The following ACCSL variants were observed in gnomAD, a reference collection of about 807,000 sequenced individuals.
ACCSL encodes the protein probable inactive 1-aminocyclopropane-1-carboxylate synthase-like protein 2.
A neutral mutation model predicts 61.7 loss-of-function variants in ACCSL; 55 were observed. That is an observed-to-expected ratio of 0.89 (90% CI 0.72 to 1.12). The LOEUF is 1.12. Ranked by LOEUF, ACCSL falls within the 50% of genes most tolerant of loss-of-function variation. The probability of loss-of-function intolerance (pLI) is 0.00; values close to 1 mark genes in which losing one functional copy is unlikely to be tolerated. For synonymous variants in ACCSL, 258 were observed against 264.3 expected (o/e 0.98, Z 0.23); for missense variants, 632 against 698.0 (o/e 0.91, Z 1.07).
chr11:43,925,023 C>G, the ACCSL span: 25 of 174,060 alleles, frequency 1.4e-4, no homozygotes, highest in Non-Finnish European at 2.7e-4. Flanking sequence ...CTCTCTCTTT[C>G]TCTCAGACTT....
chr11:43,992,077 G>T, the ACCSL span, among the ~76,000 whole-genome samples: 1 of 139,256 alleles, frequency 7.2e-6, no homozygotes, highest in Non-Finnish European at 1.5e-5. Flanking sequence ...TTTGAGACAG[G>T]GTCTCACTCT....
At chr11:44,007,537 G>A in the ACCSL span, among the ~76,000 whole-genome samples, 3 of 152,102 alleles carry the variant, frequency 2.0e-5, no homozygotes, top group Non-Finnish European at 1.5e-5. Flanking sequence ...GATGATGCTC[G>A]CTCCTCAAAC....
chr11:43,955,578 G>T, the ACCSL span, among the ~76,000 whole-genome samples: 1 of 152,132 alleles, frequency 6.6e-6, no homozygotes, highest in Admixed American at 6.6e-5. Context: ...GTGGGCCACG[G>T]AGTCTACTTC....
chr11:43,973,723 T>G, the ACCSL span: 1 of 152,310 alleles, frequency 6.6e-6, no homozygotes, highest in East Asian at 1.9e-4. Context: ...GAACCATTCT[T>G]AAATCTCCAC....
At chr11:44,030,815 G>C in the ACCSL span, among the ~76,000 whole-genome samples, 833 of 152,234 alleles carry the variant, frequency 5.5e-3, 8 homozygotes, top group African/African-American at 0.019. Context: ...TGGTCTGGAG[G>C]CTGGGGTGGG....
chr11:44,052,535 T>C, intron 5 of ACCSL, 127 bp from the exon 6 acceptor site: 1 of 756,396 alleles, frequency 1.3e-6, no homozygotes, highest in South Asian at 1.6e-5. Flanking sequence ...AGAACATTAA[T>C]CCCCAGGTAG....
the ACCSL span, among the ~76,000 whole-genome samples, chr11:43,978,785 T>G: frequency 1.0e-4 from 2 of 19,978 alleles, no homozygotes; most frequent in East Asian, 1.1e-3. Flanking sequence ...GAAGGTGGGT[T>G]TTTTTTTTTT....
the ACCSL span, among the ~76,000 whole-genome samples, chr11:43,972,356 G>T: frequency 1.3e-5 from 2 of 152,302 alleles, no homozygotes; most frequent in South Asian, 4.1e-4. Flanking sequence ...CAGCCCTATA[G>T]AAATAGCTCT....
intron 9 of ACCSL, 71 bp downstream of exon 9, chr11:44,055,362 A>T (rs1590432127): frequency 8.1e-7 from 1 of 1,238,128 alleles, no homozygotes; most frequent in East Asian, 2.4e-5. Context: ...AGTTTATGTG[A>T]CATGAACTTA....
intron 6 of ACCSL, 63 bp downstream of exon 6, chr11:44,052,822 A>G (rs772960780): frequency 5.2e-6 from 8 of 1,546,366 alleles, no homozygotes; most frequent in African/African-American, 1.4e-5. Context: ...GGGGACACCT[A>G]AAGGGGTAGA....
the ACCSL span, among the ~76,000 whole-genome samples, chr11:43,988,688 C>G: frequency 6.6e-6 from 1 of 151,664 alleles, no homozygotes; most frequent in Admixed American, 6.6e-5. Flanking sequence ...GCAGGCCACT[C>G]GGTTCCACAC....
At chr11:44,024,441 CTGTGTGTGTGTGTGTGTGTGTG>C in the ACCSL span, among the ~76,000 whole-genome samples, 5 of 132,098 alleles carry the variant, frequency 3.8e-5, no homozygotes, top group Admixed American at 7.8e-5. Flanking sequence ...CTCTCTCTCT[CTGTGTGTGTGTGTGTGTGTGTG>C]TGTGTGTGTG....
rs778299756 is a variant in ACCSL, at chr11:44,049,991, T to C, written c.505-71T>C. On this transcript the variant is annotated intron_variant, in intron 1 of 13. Transcript: ENST00000378832. Reference sequence around the variant, plus strand: ...TAGGCAGTGAGATCTCCATTTGAACTAATGTTTCAAGGGATCTATGTAGGG... The same window carrying C: ...TAGGCAGTGAGATCTCCATTTGAACCAATGTTTCAAGGGATCTATGTAGGG... 5.0e-6 allele frequency: 8 copies of C among 1,593,242 alleles called. No homozygotes were observed. The Admixed American group carries it at 1.0e-4, about 20-fold the overall frequency.
chr11:43,937,903 G>A, the ACCSL span, among the ~76,000 whole-genome samples: 2,949 of 152,236 alleles, frequency 0.019, 287 homozygotes, highest in East Asian at 0.32. Context: ...TTAGGGACTC[G>A]GACTAATGAT....
At chr11:44,027,128 C>T in the ACCSL span, among the ~76,000 whole-genome samples, 77 of 152,290 alleles carry the variant, frequency 5.1e-4, no homozygotes, top group Non-Finnish European at 5.7e-4. Context: ...TTTCCTTAAA[C>T]GCCTAGATAC....
At chr11:44,013,760 A>G in the ACCSL span, among the ~76,000 whole-genome samples, 1 of 152,072 alleles carries the variant, frequency 6.6e-6, no homozygotes, top group South Asian at 2.1e-4. Context: ...TTCAAAAACA[A>G]AAACAAAAAA....
chr11:43,954,363 G>C, the ACCSL span, among the ~76,000 whole-genome samples: 1 of 152,176 alleles, frequency 6.6e-6, no homozygotes, highest in African/African-American at 2.4e-5. Flanking sequence ...CCTGCAGAGA[G>C]AGGGGTCCCA....
chr11:43,974,389 T>C, the ACCSL span, among the ~76,000 whole-genome samples: 24 of 152,298 alleles, frequency 1.6e-4, no homozygotes, highest in East Asian at 4.2e-3. Flanking sequence ...TCTCCACTGG[T>C]CTTCTTTGTC....
chr11:43,973,335 G>C, the ACCSL span, among the ~76,000 whole-genome samples: 1 of 152,110 alleles, frequency 6.6e-6, no homozygotes, highest in Non-Finnish European at 1.5e-5. Flanking sequence ...TAGTGTGAGT[G>C]TTCTATTTAT....
Sources: gnomAD v4.1 joint callset for allele counts (sites outside exome capture counted in the v4.1 genomes callset) on GRCh38, gnomAD v4.1.1 for gene constraint, MANE v1.5 for transcripts, NCBI Gene and HGNC (gene_info 2026-07-23, HGNC 2026-07-21) for gene names.